MAML3: variants seen among roughly 807,000 people sequenced by gnomAD.
MAML3 encodes mastermind-like protein 3.
In MAML3, 27 loss-of-function variants were observed where a neutral mutation model predicts 101.9. The ratio of observed to expected loss-of-function variants is 0.27; its 90% CI spans 0.20 to 0.37. The LOEUF (loss-of-function observed/expected upper bound fraction) is 0.37. Ranked by LOEUF, MAML3 falls within the 10% of genes least tolerant of loss-of-function variation. The pLI is 1.00. For synonymous variants in MAML3, 501 were observed against 555.9 expected (o/e 0.90, Z 1.39); for missense variants, 1,316 against 1,444.9 (o/e 0.91, Z 1.45).
At chr4:139,873,549 G>T (rs1377547014) in intron 2 of MAML3, among the ~76,000 whole-genome samples, 1 of 152,226 alleles carries the variant, frequency 6.6e-6, no homozygotes, top group East Asian at 1.9e-4. Flanking sequence ...AAACAATGAA[G>T]AAACGAAGGT....
At chr4:139,994,076 T>C (rs1046379435) in intron 1 of MAML3, among the ~76,000 whole-genome samples, 3 of 152,260 alleles carry the variant, frequency 2.0e-5, no homozygotes, top group Non-Finnish European at 4.4e-5. Context: ...CAATTGTTCC[T>C]GATGAAAGAC....
At chr4:139,773,996 A>G (rs370023963) in intron 2 of MAML3, among the ~76,000 whole-genome samples, 1 of 152,244 alleles carries the variant, frequency 6.6e-6, no homozygotes, top group Non-Finnish European at 1.5e-5. Flanking sequence ...TCTAAAGCAC[A>G]TGGTCAGGAG....
intron 1 of MAML3, among the ~76,000 whole-genome samples, chr4:140,030,435 C>T (rs1726889836): frequency 6.6e-6 from 1 of 152,194 alleles, no homozygotes; most frequent in Admixed American, 6.5e-5. Context: ...CACAGGAAGA[C>T]AAAATTCAGT....
intron 2 of MAML3, among the ~76,000 whole-genome samples, chr4:139,848,070 C>A (rs1393144202): frequency 2.0e-5 from 3 of 152,282 alleles, no homozygotes; most frequent in Non-Finnish European, 1.5e-5. Flanking sequence ...ATACACTTTT[C>A]CATTCTGACA....
chr4:139,855,271 A>G (rs956215800), intron 2 of MAML3, among the ~76,000 whole-genome samples: 8 of 152,248 alleles, frequency 5.3e-5, no homozygotes, highest in African/African-American at 1.9e-4. Context: ...AGGGTCTGAC[A>G]CATTTGGAGG....
intron 1 of MAML3, among the ~76,000 whole-genome samples, chr4:140,009,080 TGATA>T (rs1726505200): frequency 6.6e-6 from 1 of 152,238 alleles, no homozygotes; most frequent in African/African-American, 2.4e-5. Flanking sequence ...TATAATAGCA[TGATA>T]GATACCCAAC....
intron 1 of MAML3, among the ~76,000 whole-genome samples, chr4:140,060,073 C>T (rs1236525809): frequency 6.6e-6 from 1 of 152,046 alleles, no homozygotes; most frequent in African/African-American, 2.4e-5. Context: ...CCATTAGAAG[C>T]TACAAGCCTA....
At chr4:140,030,169 C>T (rs139192661) in intron 1 of MAML3, among the ~76,000 whole-genome samples, 235 of 152,292 alleles carry the variant, frequency 1.5e-3, no homozygotes, top group African/African-American at 5.3e-3. Context: ...GTCCCTGGTT[C>T]ATTTCCCTCC....
At position 139,890,117 on chromosome 4, in the gene MAML3, A is replaced by C. The variant is rs1732441496; in HGVS notation, c.1319T>G (p.Leu440Arg). 1.2e-6 allele frequency: 2 copies of C among 1,613,864 alleles called. No homozygotes were observed. Among genetic ancestry groups the C allele is most frequent in the Non-Finnish European group, 1.7e-6 (2 of 1,179,878 alleles). Residue 440 changes from leucine (L) to arginine (R), a missense_variant, in exon 2 of 5, where the codon CTG becomes CGG. Coordinates refer to ENST00000509479, the MANE Select transcript of MAML3 (RefSeq NM_018717.5). This position sits in a 1 kb window ranked among gnomAD's most constrained non-coding sequence, Gnocchi z 4.1. ...APPRPGNGYL[L>R]NPAAVTVAGS... Reference sequence around the variant, plus strand: ...GGCCACTGTCACTGCTGCCGGATTCAGGAGATAACCATTTCCAGGCCGAGG... The same window carrying C: ...GGCCACTGTCACTGCTGCCGGATTCCGGAGATAACCATTTCCAGGCCGAGG...
At chr4:139,805,028 A>G (rs896445768) in intron 2 of MAML3, among the ~76,000 whole-genome samples, 8 of 152,136 alleles carry the variant, frequency 5.3e-5, no homozygotes, top group African/African-American at 1.9e-4. Context: ...AAAATACAAA[A>G]ATTAGCCAGG....
In MAML3 at chr4:139,735,533, G is replaced by A. The variant is rs1728902528; in HGVS notation, c.2080-4866C>T. 6.6e-6 allele frequency among the ~76,000 whole-genome samples: 1 copy of A among 152,060 alleles called. No individual in the cohort carries two copies. Among genetic ancestry groups the A allele is most frequent in the Non-Finnish European group, 1.5e-5 (1 of 67,994 alleles). Reference sequence around the variant, plus strand: ...CAGCCCGGGAGGGACCGGGTTCCAGGACCCCAGCTGCACAAAGCCGGCCCG... The same window carrying A: ...CAGCCCGGGAGGGACCGGGTTCCAGAACCCCAGCTGCACAAAGCCGGCCCG... On this transcript the variant is annotated intron_variant, in intron 2 of 4. Transcript: ENST00000509479. This position sits in a 1 kb window ranked among gnomAD's most constrained non-coding sequence, Gnocchi z 5.8.
chr4:139,827,169 A>G (rs754351502), intron 2 of MAML3, among the ~76,000 whole-genome samples: 2 of 152,206 alleles, frequency 1.3e-5, no homozygotes, highest in Admixed American at 6.5e-5. Flanking sequence ...TGAAATCAGA[A>G]CATAGAAAAT....
At chr4:139,812,938 C>A in intron 2 of MAML3, among the ~76,000 whole-genome samples, 2 of 100,672 alleles carry the variant, frequency 2.0e-5, no homozygotes, top group African/African-American at 3.8e-5. Flanking sequence ...AGCAACAGAA[C>A]ATTTAAAAAA....
chr4:140,071,021 G>A (rs1479516894), intron 1 of MAML3, among the ~76,000 whole-genome samples: 3 of 152,198 alleles, frequency 2.0e-5, no homozygotes, highest in Non-Finnish European at 4.4e-5. Context: ...TGCCACCTAA[G>A]GAGGAAGGCA....
chr4:139,745,810 A>C (rs1280537098), intron 2 of MAML3, among the ~76,000 whole-genome samples: 1 of 152,262 alleles, frequency 6.6e-6, no homozygotes, highest in Non-Finnish European at 1.5e-5. Flanking sequence ...GACAGGGAGT[A>C]GAACAGTAGG....
chr4:140,054,646 C>T (rs1052999690), intron 1 of MAML3, among the ~76,000 whole-genome samples: 1 of 152,230 alleles, frequency 6.6e-6, no homozygotes, highest in Non-Finnish European at 1.5e-5. Context: ...AAGGCTTCCA[C>T]ATCTATGACA....
chr4:140,011,639 C>T (rs568962098), intron 1 of MAML3, among the ~76,000 whole-genome samples: 10 of 152,144 alleles, frequency 6.6e-5, no homozygotes, highest in South Asian at 4.2e-4. Flanking sequence ...CCACCGCGCC[C>T]GGCCGTTTTC....
At chr4:140,119,411 T>G (rs1299337784) in intron 1 of MAML3, among the ~76,000 whole-genome samples, 6 of 152,152 alleles carry the variant, frequency 3.9e-5, no homozygotes, top group Non-Finnish European at 8.8e-5. Flanking sequence ...CTAGATATAC[T>G]TTTCTTACCT....
chr4:140,005,295 T>C (rs1415205366), intron 1 of MAML3, among the ~76,000 whole-genome samples: 2 of 152,184 alleles, frequency 1.3e-5, no homozygotes. Flanking sequence ...ACAAATAATA[T>C]GCATAAAATA....
Sources: gnomAD v4.1 joint callset for allele counts (sites outside exome capture counted in the v4.1 genomes callset) on GRCh38, gnomAD v4.1.1 for gene constraint, Gnocchi (gnomAD v3.1) non-coding constraint, MANE v1.5 for transcripts, NCBI Gene and HGNC (gene_info 2026-07-23, HGNC 2026-07-21) for gene names.